PDE1C: variants seen among roughly 807,000 people sequenced by gnomAD.
The protein encoded by PDE1C is phosphodiesterase 1C, also known as dual specificity calcium/calmodulin-dependent 3',5'-cyclic nucleotide phosphodiesterase 1C.
PDE1C carries 62 observed loss-of-function variants against 93.1 expected under a neutral mutation model. The ratio of observed to expected loss-of-function variants is 0.67; its 90% CI spans 0.54 to 0.82. The LOEUF (loss-of-function observed/expected upper bound fraction) is 0.82. Among genes scored for constraint, PDE1C ranks in the 40% least tolerant of loss-of-function variants. PDE1C has a pLI of 0.00. For synonymous variants in PDE1C, 325 were observed against 310.1 expected (o/e 1.05, Z -0.50); for missense variants, 742 against 884.6 (o/e 0.84, Z 2.04).
chr7:32,070,976 T>C, upstream of PDE1C: 2 of 985,426 alleles, frequency 2.0e-6, no homozygotes, highest in South Asian at 4.7e-5. Context: ...TTCTCTCACT[T>C]ACCAGCAGCT....
downstream of PDE1C, among the ~76,000 whole-genome samples, chr7:31,747,007 G>C (rs1052650244): frequency 6.6e-6 from 1 of 152,142 alleles, no homozygotes; most frequent in Non-Finnish European, 1.5e-5. Context: ...TTCATGACAT[G>C]GGTTCAGTAG....
At chr7:32,201,996 G>A (rs1216631579) in intron 2 of PDE1C, among the ~76,000 whole-genome samples, 1 of 152,184 alleles carries the variant, frequency 6.6e-6, no homozygotes, top group Non-Finnish European at 1.5e-5. Flanking sequence ...AATCGACAGA[G>A]GTAGGAAATC....
At chr7:32,274,185 G>A (rs1391405831) in intron 1 of PDE1C, among the ~76,000 whole-genome samples, 2 of 151,736 alleles carry the variant, frequency 1.3e-5, no homozygotes, top group African/African-American at 4.8e-5. Context: ...GGATATAATG[G>A]CATTTATTTA....
At chr7:32,376,820 T>C (rs1333529504) in intron 1 of PDE1C, among the ~76,000 whole-genome samples, 4 of 152,140 alleles carry the variant, frequency 2.6e-5, no homozygotes, top group Non-Finnish European at 5.9e-5. Context: ...CCCGAGTAGC[T>C]GGGACTACGG....
At chr7:32,400,453 C>T (rs566950726) in intron 1 of PDE1C, among the ~76,000 whole-genome samples, 10 of 152,206 alleles carry the variant, frequency 6.6e-5, no homozygotes, top group South Asian at 4.2e-4. Flanking sequence ...TGTGGTCAGA[C>T]GGAAAATACT....
At chr7:32,027,347 TG>T (rs1024495581) in intron 2 of PDE1C, among the ~76,000 whole-genome samples, 1 of 152,008 alleles carries the variant, frequency 6.6e-6, no homozygotes, top group African/African-American at 2.4e-5. Flanking sequence ...TAAAGCCTAT[TG>T]ATTAAAACAA....
intron 3 of PDE1C, among the ~76,000 whole-genome samples, chr7:32,161,641 T>C (rs965473209): frequency 2.0e-5 from 3 of 152,028 alleles, no homozygotes; most frequent in Non-Finnish European, 4.4e-5. Context: ...AGGGATTCCC[T>C]GCATATTTTG....
At chr7:31,871,598 GA>G (rs1186505899) in intron 6 of PDE1C, among the ~76,000 whole-genome samples, 1 of 150,618 alleles carries the variant, frequency 6.6e-6, no homozygotes, top group Non-Finnish European at 1.5e-5. Context: ...ATGGGTACAT[GA>G]AAAAAATGCT....
chr7:31,658,161 A>G, the PDE1C span: 1 of 905,758 alleles, frequency 1.1e-6, no homozygotes, highest in Non-Finnish European at 1.6e-6. Context: ...CAGTGTATGC[A>G]TAGGCCATGT....
chr7:32,227,808 A>G (rs1248023403), intron 1 of PDE1C, among the ~76,000 whole-genome samples: 2 of 152,214 alleles, frequency 1.3e-5, no homozygotes, highest in Non-Finnish European at 2.9e-5. Flanking sequence ...TCTTAGATCA[A>G]TTACTCTAGT....
At position 32,176,876 on chromosome 7, in the gene PDE1C, A is replaced by G. The variant is rs374180684; in HGVS notation, c.137-6920T>C. ...CTTATTCCAGGAGACAGAAAATACAAACAGACAGTAGGAGAAGGTAAAGAA... is the reference window on the plus strand; with the variant it reads ...CTTATTCCAGGAGACAGAAAATACAGACAGACAGTAGGAGAAGGTAAAGAA... On this transcript the variant is annotated intron_variant, in intron 2 of 18. Coordinates refer to the PDE1C transcript ENST00000396193. 3.3e-5 allele frequency among the ~76,000 whole-genome samples: 5 copies of G among 152,278 alleles called. No homozygotes were observed. The East Asian group carries it at 5.8e-4, about 18-fold the overall frequency.
chr7:31,844,217 C>T (rs1205005104), intron 9 of PDE1C, among the ~76,000 whole-genome samples: 1 of 150,334 alleles, frequency 6.7e-6, no homozygotes, highest in Non-Finnish European at 1.5e-5. Context: ...ATTTTCCTTC[C>T]AATAAATATT....
At chr7:32,173,460 T>C (rs548226066) in intron 2 of PDE1C, among the ~76,000 whole-genome samples, 182 of 151,464 alleles carry the variant, frequency 1.2e-3, no homozygotes, top group African/African-American at 4.1e-3. Context: ...GCATATTCTG[T>C]ACATGTATAG....
At chr7:31,961,947 A>C (rs1008895027) in intron 2 of PDE1C, among the ~76,000 whole-genome samples, 2 of 152,204 alleles carry the variant, frequency 1.3e-5, no homozygotes, top group East Asian at 3.9e-4. Context: ...CTTAAGCCAG[A>C]GAGTTCAAAT....
intron 2 of PDE1C, among the ~76,000 whole-genome samples, chr7:31,966,646 C>T (rs1032918804): frequency 1.1e-4 from 17 of 152,338 alleles, no homozygotes; most frequent in African/African-American, 4.1e-4. Context: ...CCTAAATCAA[C>T]AGAGTATACA....
At chr7:31,875,583 G>C (rs767874018) in intron 5 of PDE1C, among the ~76,000 whole-genome samples, 1 of 151,724 alleles carries the variant, frequency 6.6e-6, no homozygotes, top group African/African-American at 2.4e-5. Flanking sequence ...GACACTTCCT[G>C]TAGAGAAATT....
intron 1 of PDE1C, among the ~76,000 whole-genome samples, chr7:32,357,335 C>A (rs200295630): frequency 0.1 from 14,558 of 140,846 alleles, 928 homozygotes; most frequent in African/African-American, 0.2. Flanking sequence ...TTCCATCACA[C>A]ACAAAAAAAA....
chr7:32,224,932 G>A (rs1483481259), intron 1 of PDE1C, among the ~76,000 whole-genome samples: 1 of 151,982 alleles, frequency 6.6e-6, no homozygotes, highest in Non-Finnish European at 1.5e-5. Context: ...ATGGTCTCTG[G>A]AAGGGGATGG....
At chr7:32,277,190 C>T (rs1811341084) in intron 1 of PDE1C, among the ~76,000 whole-genome samples, 1 of 152,116 alleles carries the variant, frequency 6.6e-6, no homozygotes, top group South Asian at 2.1e-4. Context: ...TCGTGATGGG[C>T]TTGAGCCATG....
Sources: gnomAD v4.1 joint callset for allele counts (sites outside exome capture counted in the v4.1 genomes callset) on GRCh38, gnomAD v4.1.1 for gene constraint, MANE v1.5 for transcripts, NCBI Gene and HGNC (gene_info 2026-07-23, HGNC 2026-07-21) for gene names.